Variants in COL11A1 observed in about 807,000 individuals in gnomAD.
The protein encoded by COL11A1 is collagen type XI alpha 1 chain.
In COL11A1, 74 loss-of-function variants were observed where a neutral mutation model predicts 265.2. The ratio of observed to expected loss-of-function variants is 0.28; its 90% CI spans 0.23 to 0.34. The LOEUF (loss-of-function observed/expected upper bound fraction) is 0.34. Ranked by LOEUF, COL11A1 falls within the 10% of genes least tolerant of loss-of-function variation. The pLI is 1.00. For synonymous variants in COL11A1, 816 were observed against 727.6 expected, an observed-to-expected ratio of 1.12 and a Z score of -1.96; for missense variants, 2,165 against 2,263.6, an observed-to-expected ratio of 0.96 and a Z score of 0.88.
intron 4 of COL11A1, among the ~76,000 whole-genome samples, chr1:103,050,202 A>G (rs887913411): frequency 6.6e-6 from 1 of 152,182 alleles, no homozygotes; most frequent in Admixed American, 6.5e-5. Context: ...GTGTTTTCCA[A>G]CTTGGTTCCA....
intron 1 of COL11A1, among the ~76,000 whole-genome samples, chr1:103,097,693 G>A (rs975409877): frequency 4.6e-5 from 7 of 151,890 alleles, no homozygotes; most frequent in East Asian, 1.9e-4. Context: ...CTTGTCGAAC[G>A]TGGCAATGAA....
intron 35 of COL11A1, among the ~76,000 whole-genome samples, chr1:102,975,824 A>G (rs1380011593): frequency 1.3e-5 from 2 of 152,140 alleles, no homozygotes; most frequent in African/African-American, 4.8e-5. Context: ...TACTCTTTCT[A>G]TTTATCAATC....
At chr1:102,895,701 C>T (rs923176361) in intron 57 of COL11A1, among the ~76,000 whole-genome samples, 2 of 151,450 alleles carry the variant, frequency 1.3e-5, no homozygotes, top group African/African-American at 4.9e-5. Flanking sequence ...ACACTTACAC[C>T]TCTCTGTTCC....
chr1:102,990,189 C>T (rs1159564714), intron 28 of COL11A1, among the ~76,000 whole-genome samples: 1 of 151,832 alleles, frequency 6.6e-6, no homozygotes, highest in African/African-American at 2.4e-5. Flanking sequence ...CTCCCCCCAA[C>T]AACAACAACA....
intron 55 of COL11A1, 69 bp downstream of exon 55, chr1:102,898,872 A>T: frequency 7.9e-7 from 1 of 1,268,612 alleles, no homozygotes; most frequent in East Asian, 2.6e-5. Context: ...TATGCATGAA[A>T]TTTTCAAATA....
At position 103,011,036 on chromosome 1, in the gene COL11A1, C is replaced by A. The variant is rs550491209; in HGVS notation, c.1629+1377G>T. Among the ~76,000 whole-genome samples, 34 of 152,208 alleles carry A rather than the reference C, an allele frequency of 2.2e-4. No homozygotes were observed. In the South Asian group the frequency reaches 2.9e-3, roughly 13 times the overall value. On this transcript the variant is annotated intron_variant, in intron 14 of 66. Coordinates refer to ENST00000370096, the MANE Select transcript of COL11A1 (RefSeq NM_001854.4). ...AATTAAATCAAATATGGCACTGTTT[C>A]TCAAATATCTTTGGCCATAGGAATC... is the stretch of plus-strand genomic sequence containing the variant.
intron 52 of COL11A1, among the ~76,000 whole-genome samples, chr1:102,914,116 G>C (rs914636300): frequency 6.6e-6 from 1 of 152,154 alleles, no homozygotes; most frequent in African/African-American, 2.4e-5. Flanking sequence ...TCAAAGTCTA[G>C]GAATCTAATC....
intron 42 of COL11A1, among the ~76,000 whole-genome samples, chr1:102,943,379 T>A (rs1488341837): frequency 6.6e-6 from 1 of 151,790 alleles, no homozygotes; most frequent in Non-Finnish European, 1.5e-5. Context: ...ATCTTTTACA[T>A]CCCACAAAAG....
chr1:103,107,616 G>C (rs962269599), intron 1 of COL11A1, among the ~76,000 whole-genome samples: 1 of 151,166 alleles, frequency 6.6e-6, no homozygotes, highest in Non-Finnish European at 1.5e-5. Context: ...CTTTATCAAG[G>C]TTCATTTTAT....
intron 46 of COL11A1, among the ~76,000 whole-genome samples, chr1:102,925,625 G>A (rs1656509114): frequency 1.3e-5 from 2 of 152,078 alleles, no homozygotes; most frequent in African/African-American, 4.8e-5. Context: ...GTTTCTGGAA[G>A]AAAAAGACAG....
At chr1:102,960,772 G>C (rs115128062) in intron 41 of COL11A1, among the ~76,000 whole-genome samples, 409 of 152,176 alleles carry the variant, frequency 2.7e-3, no homozygotes, top group Non-Finnish European at 4.9e-3. Context: ...AGCAATTGGG[G>C]TTGAACTATG....
At chr1:102,911,306 C>T (rs12728397) in intron 54 of COL11A1, among the ~76,000 whole-genome samples, 5,166 of 151,902 alleles carry the variant, frequency 0.034, 124 homozygotes, top group Middle Eastern at 0.095. Flanking sequence ...CAAGTAAAAC[C>T]CATTCACATT....
At chr1:102,918,494 G>A (rs1655609508) in intron 49 of COL11A1, among the ~76,000 whole-genome samples, 1 of 151,472 alleles carries the variant, frequency 6.6e-6, no homozygotes, top group South Asian at 2.1e-4. Flanking sequence ...ATTAGAAATG[G>A]GTATACATTC....
chr1:102,967,280 G>T (rs1184808315), intron 37 of COL11A1, among the ~76,000 whole-genome samples: 1 of 105,538 alleles, frequency 9.5e-6, no homozygotes, highest in Non-Finnish European at 1.7e-5. Flanking sequence ...TCGCTCTGTC[G>T]CCCAGGCTGG....
chr1:103,041,105 A>G lies in COL11A1; in HGVS notation c.652-9861T>C, dbSNP rs564927062. Among the ~76,000 whole-genome samples the G allele has an allele frequency of 8.5e-5, 13 of 152,118 alleles. 1 individual carries two copies. In the East Asian group the frequency reaches 2.5e-3, roughly 29 times the overall value. On this transcript the variant is annotated intron_variant, in intron 4 of 66. Coordinates refer to ENST00000370096, the MANE Select transcript of COL11A1 (RefSeq NM_001854.4). The stretch of plus-strand genomic sequence containing the variant: ...TAATTAATATCATTGTGAAGGTCAA[A>G]TATGGCCTTTGCATTAGGTAGTACT...
At position 103,108,203 on chromosome 1, in the gene COL11A1, T is replaced by G; in HGVS notation, c.-25A>C. ...TCTCCGAGCCCCGCACTCACAACTG[T>G]GAACTCAACCCACGAAATTGCGACT... On this transcript the variant is annotated 5_prime_UTR_variant, in exon 1 of 67. Coordinates refer to ENST00000370096, the MANE Select transcript of COL11A1 (RefSeq NM_001854.4). 2.5e-6 allele frequency: 4 copies of G among 1,600,996 alleles called. No individual in the cohort carries two copies. Among genetic ancestry groups the G allele is most frequent in the Non-Finnish European group, 3.4e-6 (4 of 1,168,900 alleles).
chr1:103,012,386 T>G (rs1280588641), intron 14 of COL11A1, 27 bp downstream of exon 14: 9 of 1,591,544 alleles, frequency 5.7e-6, no homozygotes, highest in Non-Finnish European at 7.8e-6. Context: ...AATTTTAACA[T>G]ATATTATCTT....
At chr1:103,028,232 C>T (rs1323561226) in intron 5 of COL11A1, among the ~76,000 whole-genome samples, 2 of 152,006 alleles carry the variant, frequency 1.3e-5, no homozygotes, top group African/African-American at 4.8e-5. Context: ...GAGGGTTTCA[C>T]CAAGTTGGCC....
At chr1:103,087,224 T>A (rs1234553499) in intron 1 of COL11A1, among the ~76,000 whole-genome samples, 1 of 152,224 alleles carries the variant, frequency 6.6e-6, no homozygotes, top group Non-Finnish European at 1.5e-5. Context: ...TGTATCCAAT[T>A]CAGCACAATG....
Sources: gnomAD v4.1 joint callset for allele counts (sites outside exome capture counted in the v4.1 genomes callset) on GRCh38, gnomAD v4.1.1 for gene constraint, MANE v1.5 for transcripts, NCBI Gene and HGNC (gene_info 2026-07-23, HGNC 2026-07-21) for gene names.